KRTCAP3: variants seen among roughly 807,000 people sequenced by gnomAD.
The protein encoded by KRTCAP3 is keratinocyte associated protein 3, also known as keratinocyte-associated protein 3.
Under a neutral mutation model 20.5 loss-of-function variants are expected in KRTCAP3, and 18 were observed. The observed-to-expected ratio is 0.88, with a 90% confidence interval of 0.61 to 1.31. The LOEUF (loss-of-function observed/expected upper bound fraction) is 1.31, where lower values mean the gene tolerates loss of function less well. Among genes scored for constraint, KRTCAP3 ranks in the 50% most tolerant of loss-of-function variants. KRTCAP3 has a pLI of 0.00. For missense variants in KRTCAP3, 347 were observed against 310.4 expected (o/e 1.12, Z -0.89); for synonymous variants, 167 against 133.7 (o/e 1.25, Z -1.72).
At position 27,443,123 on chromosome 2, in the gene KRTCAP3, C is replaced by T. The variant is rs1664725142; in HGVS notation, c.323C>T (p.Ala108Val). The change falls in exon 4 of 7, where the codon GCC becomes GTC. Residue 108 changes from alanine to valine, a missense_variant. Physicochemically the swap from Ala to Val is moderately conservative, Grantham distance 64 (BLOSUM62 0). Transcript: ENST00000288873. ...LALVNLLLSV[A>V]CSLGLLLAVS... The stretch of plus-strand genomic sequence containing the variant: ...CTGGTGAACCTGCTCTTGTCCGTTG[C>T]CTGCTCCCTGGGCCTCCTTCTTGCT... The T allele has an allele frequency of 6.2e-7, 1 of 1,614,104 alleles. No individual in the cohort carries two copies. The highest frequency in any genetic ancestry group is 1.1e-5 in the South Asian group (1 of 91,084).
At chr2:27,445,412 G>C (rs771383720), downstream of KRTCAP3, 3 of 1,612,444 alleles carry the variant, frequency 1.9e-6, no homozygotes, top group Non-Finnish European at 2.5e-6. The surrounding 1 kb of genome is among the most constrained non-coding windows in gnomAD (Gnocchi z 4.4). Flanking sequence ...CATGGAGACT[G>C]TAAGCACCCA....
At position 27,444,211 on chromosome 2, in the gene KRTCAP3, T is replaced by C. The variant is rs573966162; in HGVS notation, c.*31T>C. ...CAGGTGCTGTTCCGAGACTCAGTCC[T>C]AAAGGGTTTTTTTTCCCACTAAGCA... On this transcript the variant is annotated 3_prime_UTR_variant, in exon 7 of 7. Coordinates refer to ENST00000288873, the MANE Select transcript of KRTCAP3 (RefSeq NM_173853.4). The C allele has an allele frequency of 1.5e-6, 1 of 662,158 alleles. No individual in the cohort carries two copies. Among genetic ancestry groups the C allele is most frequent in the African/African-American group, 1.8e-5 (1 of 54,814 alleles). 41.0% of individuals were successfully genotyped at this position (662,158 alleles called of 1,614,324 possible). A position where few individuals can be genotyped will look rare whatever the true frequency, so the allele number is the denominator to read the frequency against.
At position 27,443,176 on chromosome 2, in the gene KRTCAP3, C is replaced by T. The variant is rs746559032; in HGVS notation, c.376C>T (p.Arg126Cys). The T allele has an allele frequency of 1.5e-5, 24 of 1,613,876 alleles. No individual in the cohort carries two copies. Among genetic ancestry groups the T allele is most frequent in the South Asian group, 4.4e-5 (4 of 91,076 alleles). Residue 126 changes from arginine (R) to cysteine (C), a missense_variant, in exon 4 of 7, where the codon CGC becomes TGC. Physicochemically the swap from Arg to Cys is radical, Grantham distance 180. Coordinates refer to ENST00000288873, the MANE Select transcript of KRTCAP3 (RefSeq NM_173853.4). The stretch of plus-strand genomic sequence containing the variant: ...GTCACTCACTGTGGCCAACGGTGGC[C>T]GCCGCCTTATTGCTGACTGCCACCC... Reference protein sequence around the residue: ...AVSLTVANGGRRLIADCHPGL... With the variant: ...AVSLTVANGGCRLIADCHPGL...
Position 27,442,638 on chromosome 2 carries a change from C to T in KRTCAP3, c.88C>T (p.His30Tyr). ...RVGLALILVGHVNLLLGAVLH... is the reference protein window; with the variant it reads ...RVGLALILVGYVNLLLGAVLH... ...GGGCCTCGCGCTGATCTTGGTGGGC[C>T]ACGTGAACCTGCTGCTGGGGGCCGT... Residue 30 changes from histidine (H) to tyrosine (Y), a missense_variant, in exon 2 of 7, where the codon CAC becomes TAC. Coordinates refer to ENST00000288873, the MANE Select transcript of KRTCAP3 (RefSeq NM_173853.4). 6.4e-7 allele frequency: 1 copy of T among 1,573,934 alleles called. No individual in the cohort carries two copies.
At position 27,443,962 on chromosome 2, in the gene KRTCAP3, C is replaced by A; in HGVS notation, c.629C>A (p.Thr210Lys). 6.3e-7 allele frequency: 1 copy of A among 1,599,996 alleles called. No homozygotes were observed. Among genetic ancestry groups the A allele is most frequent in the Non-Finnish European group, 8.6e-7 (1 of 1,167,130 alleles). Residue 210 changes from threonine (T) to lysine (K), a missense_variant, in exon 6 of 7, where the codon ACA (threonine) becomes AAA (lysine). Physicochemically the swap from Thr to Lys is moderately conservative, Grantham distance 78. Coordinates refer to ENST00000288873, the MANE Select transcript of KRTCAP3 (RefSeq NM_173853.4). Reference sequence around the variant, plus strand: ...CTTCTTCTGCAGCTAGAGGAAATGACAGAGCTTGAATCTCCTAAATGTAAA... The same window carrying A: ...CTTCTTCTGCAGCTAGAGGAAATGAAAGAGCTTGAATCTCCTAAATGTAAA... ...DGLQGQLEEM[T>K]ELESPKCKRQ...
At chr2:27,444,937 C>T (rs868318014), downstream of KRTCAP3, 4 of 1,508,080 alleles carry the variant, frequency 2.7e-6, no homozygotes, top group Middle Eastern at 7.0e-4. Flanking sequence ...GTATGAGCCA[C>T]TGCACCCAGA....
chr2:27,443,705 C>G (rs1376090904), intron 5 of KRTCAP3, among the ~76,000 whole-genome samples, 173 bp downstream of exon 5: 1 of 152,010 alleles, frequency 6.6e-6, no homozygotes, highest in African/African-American at 2.4e-5. Context: ...ATGGTGAAAC[C>G]TCGTCTCTAC....
chr2:27,444,961 C>G, downstream of KRTCAP3: 17 of 1,531,786 alleles, frequency 1.1e-5, no homozygotes, highest in Non-Finnish European at 4.4e-6. Flanking sequence ...GTTTTTTTTT[C>G]TTTTTTTAGT....
downstream of KRTCAP3, chr2:27,444,435 C>G (rs776552648): frequency 6.2e-7 from 1 of 1,608,598 alleles, no homozygotes; most frequent in African/African-American, 1.3e-5. Context: ...CTACCAACTA[C>G]TGAAAGGAAA....
In KRTCAP3 at chr2:27,444,216, G is replaced by T. The variant is rs544892369; in HGVS notation, c.*36G>T. 6.1e-6 allele frequency: 4 copies of T among 658,654 alleles called. No homozygotes were observed. In the Admixed American group the frequency reaches 8.5e-5, roughly 14 times the overall value. The allele number at this position is 658,654 out of a possible 1,614,324, so 40.8% of individuals were successfully genotyped here. On this transcript the variant is annotated 3_prime_UTR_variant, in exon 7 of 7. Transcript: ENST00000288873. The stretch of plus-strand genomic sequence containing the variant: ...GCTGTTCCGAGACTCAGTCCTAAAG[G>T]GTTTTTTTTCCCACTAAGCAAGGGG...
Position 27,443,972 on chromosome 2 carries a change from A to C in KRTCAP3, c.639A>C (p.Glu213Asp). 6.2e-7 allele frequency: 1 copy of C among 1,610,040 alleles called. No individual in the cohort carries two copies. The highest frequency in any genetic ancestry group is 8.5e-7 in the Non-Finnish European group (1 of 1,176,278). Residue 213 changes from glutamate to aspartate, a missense_variant, in exon 6 of 7, where the codon GAA becomes GAC. Coordinates refer to ENST00000288873, the MANE Select transcript of KRTCAP3 (RefSeq NM_173853.4). ...AGCTAGAGGAAATGACAGAGCTTGA[A>C]TCTCCTAAATGTAAAAGGCAGGAAA... The part of the protein sequence containing the change: ...QGQLEEMTEL[E>D]SPKCKRQENE...
rs753245947 is a variant in KRTCAP3 at position 27,442,604 on chromosome 2, G to A, written c.54G>A (p.Leu18=). The A allele has an allele frequency of 1.4e-5, 21 of 1,552,054 alleles. No homozygotes were observed. The Admixed American group carries it at 3.6e-4, about 27-fold the overall frequency. The change falls in exon 2 of 7, where the codon CTG becomes CTA. Residue 18 remains leucine (L), a synonymous_variant. Coordinates refer to ENST00000288873, the MANE Select transcript of KRTCAP3 (RefSeq NM_173853.4). ...AFDAARGPRR[L]MRVGLALILV... ...ACGCCGCCCGGGGGCCCAGGCGGCTGATGCGTGTGGGCCTCGCGCTGATCT... is the reference window on the plus strand; with the variant it reads ...ACGCCGCCCGGGGGCCCAGGCGGCTAATGCGTGTGGGCCTCGCGCTGATCT...
At position 27,442,577 on chromosome 2, in the gene KRTCAP3, A is replaced by G; in HGVS notation, c.29-2A>G. ...AACCCTGCCCTCCCCCGTGCTTTGC[A>G]GACGCCGCCCGGGGGCCCAGGCGGC... On this transcript the variant is annotated splice_acceptor_variant, in intron 1 of 6. Transcript: ENST00000288873. LOFTEE classifies it high-confidence loss of function. 6.6e-7 allele frequency: 1 copy of G among 1,523,976 alleles called. No individual in the cohort carries two copies. The highest frequency in any genetic ancestry group is 8.8e-7 in the Non-Finnish European group (1 of 1,136,990). The allele number at this position is 1,523,976 out of a possible 1,614,324, so 94.4% of individuals were successfully genotyped here.
chr2:27,442,755 GGGCTGCTGGTGAGCGC>G lies in KRTCAP3; in HGVS notation c.209_213+11del, dbSNP rs754004983. 231 of 1,609,620 alleles carry G rather than the reference GGGCTGCTGGTGAGCGC, an allele frequency of 1.4e-4. No homozygotes were observed. In the East Asian group the frequency reaches 5.2e-3, roughly 36 times the overall value. ...AGCCAATGTCATCTCTGTCGGCTCG[GGGCTGCTGGTGAGCGC>G]GGCAGGCGACCCGGGCGGGGGCCGG... On this transcript the variant is annotated splice_donor_variant and splice_donor_5th_base_variant and coding_sequence_variant and intron_variant, in exon 2 of 7. Coordinates refer to ENST00000288873, the MANE Select transcript of KRTCAP3 (RefSeq NM_173853.4). LOFTEE classifies it high-confidence loss of function.
Position 27,443,973 on chromosome 2 carries a change from T to C in KRTCAP3, c.640T>C (p.Ser214Pro). 1 of 1,610,288 alleles carries C rather than the reference T, an allele frequency of 6.2e-7. No homozygotes were observed. Among genetic ancestry groups the C allele is most frequent in the Non-Finnish European group, 8.5e-7 (1 of 1,176,542 alleles). The change falls in exon 6 of 7, where the codon TCT becomes CCT. Residue 214 changes from serine to proline, a missense_variant. By Grantham distance (74) the Ser-to-Pro change is moderately conservative. Transcript: ENST00000288873. ...GQLEEMTELE[S>P]PKCKRQENEQ... is the part of the protein sequence containing the mutation. ...GCTAGAGGAAATGACAGAGCTTGAA[T>C]CTCCTAAATGTAAAAGGCAGGAAAA...
chr2:27,445,578 G>T, downstream of KRTCAP3: 5 of 1,295,106 alleles, frequency 3.9e-6, no homozygotes, highest in South Asian at 7.3e-5. This position sits in a 1 kb window ranked among gnomAD's most constrained non-coding sequence, Gnocchi z 4.4. Flanking sequence ...AATCCTCCTT[G>T]GATTGGGGGA....
At position 27,443,147 on chromosome 2, in the gene KRTCAP3, CTG is replaced by C. The variant is rs955125680; in HGVS notation, c.351_352del (p.Ser118ThrfsTer13). The C allele has an allele frequency of 5.6e-6, 9 of 1,614,054 alleles. No individual in the cohort carries two copies. The African/African-American group carries it at 8.0e-5, about 14-fold the overall frequency. On this transcript the variant is annotated frameshift_variant, in exon 4 of 7. Coordinates refer to ENST00000288873, the MANE Select transcript of KRTCAP3 (RefSeq NM_173853.4). LOFTEE classifies it high-confidence loss of function. The stretch of plus-strand genomic sequence containing the variant: ...GCCTGCTCCCTGGGCCTCCTTCTTG[CTG>C]TGTCACTCACTGTGGCCAACGGTGG...
At chr2:27,445,292 A>G, downstream of KRTCAP3, 1 of 1,610,690 alleles carries the variant, frequency 6.2e-7, no homozygotes, top group Non-Finnish European at 8.5e-7. The surrounding 1 kb of genome is among the most constrained non-coding windows in gnomAD (Gnocchi z 4.4). Flanking sequence ...GTAGGCTTCT[A>G]TACCTGTAAT....
chr2:27,443,695 A>G (rs1408205172), intron 5 of KRTCAP3, among the ~76,000 whole-genome samples, 163 bp downstream of exon 5: 4 of 152,094 alleles, frequency 2.6e-5, no homozygotes, highest in African/African-American at 9.7e-5. Context: ...CTTGGACAAC[A>G]TGGTGAAACC....
Sources: gnomAD v4.1 joint callset for allele counts (sites outside exome capture counted in the v4.1 genomes callset) on GRCh38, gnomAD v4.1.1 for gene constraint, Gnocchi (gnomAD v3.1) non-coding constraint, MANE v1.5 for transcripts, NCBI Gene and HGNC (gene_info 2026-07-23, HGNC 2026-07-21) for gene names.